The following SYNPR variants were observed in gnomAD, a reference collection of about 807,000 sequenced individuals.
SYNPR encodes synaptoporin.
A neutral mutation model predicts 32.9 loss-of-function variants in SYNPR; 23 were observed. The ratio of observed to expected loss-of-function variants is 0.70; its 90% CI spans 0.50 to 0.99. The LOEUF is 0.99. Among genes scored for constraint, SYNPR ranks in the 50% least tolerant of loss-of-function variants. SYNPR has a pLI of 0.00. For missense variants in SYNPR, 318 were observed against 349.3 expected, an observed-to-expected ratio of 0.91 and a Z score of 0.71; for synonymous variants, 146 against 135.9, an observed-to-expected ratio of 1.07 and a Z score of -0.52.
At chr3:63,602,321 T>C (rs1485626967) in intron 4 of SYNPR, among the ~76,000 whole-genome samples, 21 of 95,240 alleles carry the variant, frequency 2.2e-4, no homozygotes, top group Admixed American at 2.1e-3. Context: ...TGATAGTTTC[T>C]TCTGCTGTCC....
At chr3:63,249,937 C>G (rs1450529973) in intron 1 of SYNPR, among the ~76,000 whole-genome samples, 1 of 151,958 alleles carries the variant, frequency 6.6e-6, no homozygotes, top group African/African-American at 2.4e-5. Flanking sequence ...AGCCTAGACT[C>G]TGACATCAAG....
chr3:63,593,256 T>C (rs1484235925), intron 4 of SYNPR, among the ~76,000 whole-genome samples: 1 of 152,162 alleles, frequency 6.6e-6, no homozygotes, highest in East Asian at 1.9e-4. Context: ...CTATTAACTT[T>C]CTTTGAAAGG....
At chr3:63,516,809 C>T (rs1312978534) in intron 3 of SYNPR, among the ~76,000 whole-genome samples, 5 of 152,042 alleles carry the variant, frequency 3.3e-5, no homozygotes, top group South Asian at 2.1e-4. Context: ...GATATGCATT[C>T]GCCTATCCAA....
At chr3:63,276,908 C>A (rs1319305226), upstream of SYNPR, among the ~76,000 whole-genome samples, 5 of 133,220 alleles carry the variant, frequency 3.8e-5, no homozygotes, top group African/African-American at 1.4e-4. Context: ...CCCACCCCCC[C>A]CACCAACACA....
intron 2 of SYNPR, among the ~76,000 whole-genome samples, chr3:63,480,037 G>T (rs1013784904): frequency 6.6e-6 from 1 of 152,194 alleles, no homozygotes; most frequent in African/African-American, 2.4e-5. Context: ...GCCAAATTAT[G>T]AAATGAACAA....
intron 2 of SYNPR, among the ~76,000 whole-genome samples, chr3:63,317,558 C>T (rs2087056438): frequency 6.6e-6 from 1 of 152,002 alleles, no homozygotes; most frequent in Non-Finnish European, 1.5e-5. Context: ...CTACCCCCTG[C>T]TCACTTTTGG....
At chr3:63,325,771 A>G (rs1157396325) in intron 2 of SYNPR, among the ~76,000 whole-genome samples, 1 of 151,940 alleles carries the variant, frequency 6.6e-6, no homozygotes, top group African/African-American at 2.4e-5. Flanking sequence ...CACACAGCTG[A>G]CATCTGACAC....
intron 4 of SYNPR, among the ~76,000 whole-genome samples, chr3:63,584,336 C>A (rs1427639161): frequency 6.6e-6 from 1 of 152,060 alleles, no homozygotes; most frequent in East Asian, 1.9e-4. Context: ...ATTCCTTTGG[C>A]AAGAGAGAAC....
chr3:63,380,831 G>A (rs1393636108), intron 2 of SYNPR, among the ~76,000 whole-genome samples: 5 of 152,084 alleles, frequency 3.3e-5, no homozygotes, highest in Non-Finnish European at 7.4e-5. Flanking sequence ...ATGCAGAAAA[G>A]GCCTTTGACA....
At chr3:63,529,322 T>C (rs1406516946) in intron 3 of SYNPR, among the ~76,000 whole-genome samples, 2 of 152,252 alleles carry the variant, frequency 1.3e-5, no homozygotes, top group African/African-American at 4.8e-5. Flanking sequence ...AAATAGCTGT[T>C]ATAATGTATT....
intron 5 of SYNPR, 54 bp from the exon 6 acceptor site, chr3:63,615,170 T>G (rs1320287272): frequency 1.3e-6 from 2 of 1,565,156 alleles, no homozygotes; most frequent in African/African-American, 1.4e-5. Flanking sequence ...AAATTGAAAT[T>G]TTTCTTGGGT....
intron 2 of SYNPR, among the ~76,000 whole-genome samples, chr3:63,397,876 C>T (rs1479269613): frequency 6.6e-6 from 1 of 152,064 alleles, no homozygotes; most frequent in African/African-American, 2.4e-5. Flanking sequence ...CTAAGAATTG[C>T]CTTTAAAGAA....
At chr3:63,287,774 C>T (rs984817958) in intron 2 of SYNPR, among the ~76,000 whole-genome samples, 1 of 152,158 alleles carries the variant, frequency 6.6e-6, no homozygotes, top group Non-Finnish European at 1.5e-5. Context: ...GAAGCTTTCC[C>T]TGGAAACAAT....
the SYNPR span, among the ~76,000 whole-genome samples, chr3:63,209,865 T>C: frequency 6.6e-6 from 1 of 152,198 alleles, no homozygotes; most frequent in Non-Finnish European, 1.5e-5. Flanking sequence ...CTCTAAAGAT[T>C]GGAAGCTCCA....
chr3:63,460,333 C>A (rs894773109), intron 2 of SYNPR, among the ~76,000 whole-genome samples: 1 of 151,928 alleles, frequency 6.6e-6, no homozygotes. Flanking sequence ...TTACATGTAC[C>A]GTAATTTCCA....
At chr3:63,480,786 C>G (rs775484404) in intron 2 of SYNPR, 46 bp from the exon 3 acceptor site, 1 of 1,603,714 alleles carries the variant, frequency 6.2e-7, no homozygotes, top group Non-Finnish European at 8.5e-7. Context: ...ATTAGAGCAA[C>G]ATCATCCTAA....
chr3:63,410,778 A>G (rs2088454043), intron 2 of SYNPR, among the ~76,000 whole-genome samples: 1 of 152,114 alleles, frequency 6.6e-6, no homozygotes, highest in East Asian at 1.9e-4. Context: ...TCTGAGGAAA[A>G]ATGCTTACAC....
chr3:63,380,517 C>T (rs2087952667), intron 2 of SYNPR, among the ~76,000 whole-genome samples: 1 of 152,124 alleles, frequency 6.6e-6, no homozygotes, highest in African/African-American at 2.4e-5. Flanking sequence ...TATCCTTTGC[C>T]CACTTTTTGA....
At chr3:63,409,309 G>T (rs1287467400) in intron 2 of SYNPR, among the ~76,000 whole-genome samples, 1 of 151,770 alleles carries the variant, frequency 6.6e-6, no homozygotes. Context: ...TTACATTTCT[G>T]CTGTAACTAC....
Sources: allele counts gnomAD v4.1 joint callset (sites outside exome capture counted in the v4.1 genomes callset), GRCh38; gene constraint gnomAD v4.1.1; transcripts MANE v1.5; gene names NCBI Gene and HGNC (gene_info 2026-07-23, HGNC 2026-07-21).